The following B9D1 variants were observed in gnomAD, a reference collection of about 807,000 sequenced individuals.
B9D1 encodes B9 domain containing 1.
Under a neutral mutation model 26.1 loss-of-function variants are expected in B9D1, and 20 were observed. That is an observed-to-expected ratio of 0.77 (90% confidence interval 0.54 to 1.12). The LOEUF (loss-of-function observed/expected upper bound fraction) is 1.12, where lower values mean the gene tolerates loss of function less well. B9D1 is among the 50% of genes most tolerant of loss of function. The pLI, the probability that B9D1 is intolerant of heterozygous loss-of-function variation, is 0.00. For synonymous variants in B9D1, 105 were observed against 103.1 expected, an observed-to-expected ratio of 1.02 and a Z score of -0.11; for missense variants, 260 against 273.7, an observed-to-expected ratio of 0.95 and a Z score of 0.35.
At chr17:19,351,879 TTC>T (rs1457961550) in intron 3 of B9D1, among the ~76,000 whole-genome samples, 2 of 152,136 alleles carry the variant, frequency 1.3e-5, no homozygotes, top group Non-Finnish European at 2.9e-5. Context: ...CATTTCTGTC[TTC>T]TGTTTCTTCT....
intron 3 of B9D1, chr17:19,357,470 G>A (rs1046300695): frequency 1.7e-5 from 6 of 347,770 alleles, no homozygotes; most frequent in South Asian, 2.5e-5. Context: ...GAAAGTGCCA[G>A]GGTCTAGCCG....
At position 19,370,620 on chromosome 17, in the gene B9D1, G is replaced by A. The variant is rs1366791565; in HGVS notation, c.-298+7239C>T. On this transcript the variant is annotated intron_variant, in intron 1 of 5. Transcript: ENST00000477478. This position sits in a 1 kb window ranked among gnomAD's most constrained non-coding sequence, Gnocchi z 5.1. ...GGAACTCCAGGCGTGGTGACAGGAT[G>A]TGACCAGGTTCCCCCACCCAGGTCT... 1.3e-5 allele frequency among the ~76,000 whole-genome samples: 2 copies of A among 152,232 alleles called. No individual in the cohort carries two copies. The highest frequency in any genetic ancestry group is 2.1e-4 in the South Asian group (1 of 4,836).
chr17:19,347,663 T>A lies in B9D1; in HGVS notation c.341+121A>T. 1 of 994,164 alleles carries A rather than the reference T, an allele frequency of 1.0e-6. No homozygotes were observed. The highest frequency in any genetic ancestry group is 1.6e-5 in the African/African-American group (1 of 62,590). 61.6% of individuals were successfully genotyped at this position (994,164 alleles called of 1,614,324 possible). A position where few individuals can be genotyped will look rare whatever the true frequency, so the allele number is the denominator to read the frequency against. Reference sequence around the variant, plus strand: ...GCTACAACCCCCCTGGCCACCAGGCTGAGCTGCCCAGGCCCCTGGAGACCC... The same window carrying A: ...GCTACAACCCCCCTGGCCACCAGGCAGAGCTGCCCAGGCCCCTGGAGACCC... On this transcript the variant is annotated intron_variant, in intron 4 of 6. Transcript: ENST00000261499. This position sits in a 1 kb window ranked among gnomAD's most constrained non-coding sequence, Gnocchi z 4.3.
upstream of B9D1, chr17:19,364,634 C>G (rs1390417663): frequency 1.3e-5 from 2 of 152,366 alleles, no homozygotes; most frequent in Non-Finnish European, 1.5e-5. The surrounding 1 kb of genome is among the most constrained non-coding windows in gnomAD (Gnocchi z 4.3). Flanking sequence ...CTCAGCCCAG[C>G]TGACATCCAG....
At chr17:19,360,988 G>A (rs1231380438) in intron 1 of B9D1, among the ~76,000 whole-genome samples, 1 of 152,190 alleles carries the variant, frequency 6.6e-6, no homozygotes, top group African/African-American at 2.4e-5. Flanking sequence ...TTGCTCGCAT[G>A]ACCACGGGAG....
In B9D1 at chr17:19,357,922, T is replaced by G; in HGVS notation, c.162A>C (p.Thr54=). 1 of 1,614,102 alleles carries G rather than the reference T, an allele frequency of 6.2e-7. No homozygotes were observed. Among genetic ancestry groups the G allele is most frequent in the Non-Finnish European group, 8.5e-7 (1 of 1,179,974 alleles). ...AGLEEGISQI[T]SKSQDVRQAL... is the part of the protein sequence containing the mutation. ...CTTGCCGCACATCTTGGCTCTTGGA[T>G]GTGATCTGTGAGATCCCCTCCTCCA... Residue 54 remains threonine, a synonymous_variant, in exon 3 of 7, where the codon ACA becomes ACC. Coordinates refer to ENST00000261499, the MANE Select transcript of B9D1 (RefSeq NM_015681.6).
In B9D1 at chr17:19,347,626, T is replaced by C. The variant is rs369819475; in HGVS notation, c.341+158A>G. Among the ~76,000 whole-genome samples, 2 of 152,046 alleles carry C rather than the reference T, an allele frequency of 1.3e-5. No individual in the cohort carries two copies. The highest frequency in any genetic ancestry group is 4.8e-5 in the African/African-American group (2 of 41,374). Reference sequence around the variant, plus strand: ...GCACCACCCATCTGAAAGGTTCTCCTCCCAAATACAGGCTACAACCCCCCT... The same window carrying C: ...GCACCACCCATCTGAAAGGTTCTCCCCCCAAATACAGGCTACAACCCCCCT... On this transcript the variant is annotated intron_variant, in intron 4 of 6. Transcript: ENST00000261499. The surrounding 1 kb of genome is among the most constrained non-coding windows in gnomAD (Gnocchi z 4.3).
At chr17:19,369,479 G>A (rs1911776897) in intron 1 of B9D1, among the ~76,000 whole-genome samples, 1 of 152,156 alleles carries the variant, frequency 6.6e-6, no homozygotes. Flanking sequence ...AACGGGACGT[G>A]CTACTTTACC....
downstream of B9D1, chr17:19,336,673 T>TA (rs1316756209): frequency 1.3e-5 from 2 of 152,638 alleles, no homozygotes; most frequent in Non-Finnish European, 2.9e-5. Context: ...TGACTGTTGA[T>TA]ACTTATTTAC....
At chr17:19,360,055 G>A (rs1910841806) in intron 2 of B9D1, among the ~76,000 whole-genome samples, 1 of 152,180 alleles carries the variant, frequency 6.6e-6, no homozygotes, top group Non-Finnish European at 1.5e-5. Context: ...ACTGGGGCCT[G>A]CCTCCTACTG....
At chr17:19,348,872 T>C (rs966716541) in intron 3 of B9D1, among the ~76,000 whole-genome samples, 2 of 152,252 alleles carry the variant, frequency 1.3e-5, no homozygotes, top group African/African-American at 2.4e-5. Flanking sequence ...TTCAATACCA[T>C]ATAACATTCT....
chr17:19,335,135 A>G (rs1023147510), downstream of B9D1: 3 of 280,584 alleles, frequency 1.1e-5, no homozygotes, highest in Non-Finnish European at 2.0e-5. Context: ...TAGGAAGAAA[A>G]TATGGGAATT....
At chr17:19,368,068 C>G (rs886147789) in intron 1 of B9D1, among the ~76,000 whole-genome samples, 2 of 152,196 alleles carry the variant, frequency 1.3e-5, no homozygotes, top group Non-Finnish European at 2.9e-5. Context: ...AGAGACAACT[C>G]GGATCCAGCC....
At chr17:19,373,769 C>T (rs989372034) in intron 1 of B9D1, among the ~76,000 whole-genome samples, 1 of 152,092 alleles carries the variant, frequency 6.6e-6, no homozygotes, top group Non-Finnish European at 1.5e-5. Flanking sequence ...TCAGGTGATC[C>T]CCCAGCCTCA....
intron 3 of B9D1, among the ~76,000 whole-genome samples, chr17:19,352,749 G>A (rs1183683622): frequency 6.6e-6 from 1 of 151,988 alleles, no homozygotes; most frequent in East Asian, 1.9e-4. Context: ...TCGAACTCCC[G>A]ACCTCAGGGG....
At chr17:19,356,295 T>G (rs56357822) in intron 3 of B9D1, among the ~76,000 whole-genome samples, 11,965 of 152,208 alleles carry the variant, frequency 0.079, 1,616 homozygotes, top group African/African-American at 0.27. Flanking sequence ...TTTTGCCATA[T>G]TGCCCAGGCT....
At chr17:19,363,332 A>G (rs1461131501), upstream of B9D1, among the ~76,000 whole-genome samples, 1 of 152,260 alleles carries the variant, frequency 6.6e-6, no homozygotes, top group Non-Finnish European at 1.5e-5. Flanking sequence ...TGGCACCCCA[A>G]TCAGCCAGCG....
rs1813728182 is a variant in B9D1 at position 19,347,376 on chromosome 17, T to A, written c.342-45A>T. On this transcript the variant is annotated intron_variant, in intron 4 of 6. Coordinates refer to ENST00000261499, the MANE Select transcript of B9D1 (RefSeq NM_015681.6). This position sits in a 1 kb window ranked among gnomAD's most constrained non-coding sequence, Gnocchi z 4.3. The stretch of plus-strand genomic sequence containing the variant: ...AGACAGAGATGCTGAGTAAGAGACC[T>A]TTCTGAGCCTCCAGGGAGAAGAAAC... 1 of 1,607,104 alleles carries A rather than the reference T, an allele frequency of 6.2e-7. No individual in the cohort carries two copies. The highest frequency in any genetic ancestry group is 1.7e-5 in the Admixed American group (1 of 59,962).
chr17:19,363,927 C>T (rs1911431373), upstream of B9D1, among the ~76,000 whole-genome samples: 1 of 152,160 alleles, frequency 6.6e-6, no homozygotes, highest in African/African-American at 2.4e-5. Flanking sequence ...GATGGGTGGG[C>T]TGGTGGCCCA....
Sources: allele counts gnomAD v4.1 joint callset (sites outside exome capture counted in the v4.1 genomes callset), GRCh38; gene constraint gnomAD v4.1.1; non-coding constraint Gnocchi (gnomAD v3.1); transcripts MANE v1.5; gene names NCBI Gene and HGNC (gene_info 2026-07-23, HGNC 2026-07-21).